TCF7: variants seen among roughly 807,000 people sequenced by gnomAD.
The protein encoded by TCF7 is transcription factor 7, also known as T-cell-factor-7.
In TCF7, 19 loss-of-function variants were observed where a neutral mutation model predicts 46.8. That is an observed-to-expected ratio of 0.41 (90% CI 0.28 to 0.60). The LOEUF is 0.60. Among genes scored for constraint, TCF7 ranks in the 20% least tolerant of loss-of-function variants. The probability of loss-of-function intolerance (pLI) is 0.35; values close to 1 mark genes in which losing one functional copy is unlikely to be tolerated. For synonymous variants in TCF7, 245 were observed against 213.4 expected, an observed-to-expected ratio of 1.15 and a Z score of -1.29; for missense variants, 547 against 504.6, an observed-to-expected ratio of 1.08 and a Z score of -0.81.
intron 5 of TCF7, among the ~76,000 whole-genome samples, chr5:134,140,193 G>T (rs1367818583): frequency 6.6e-6 from 1 of 152,218 alleles, no homozygotes; most frequent in African/African-American, 2.4e-5. Flanking sequence ...GCCCTATTGT[G>T]TGCCGGGCAG....
Position 134,147,882 on chromosome 5 carries a change from G to C in TCF7, c.*1579G>C, listed in dbSNP as rs543088125. ...TCCCAGCTACTCGGGAGGCTGAGGC[G>C]GAAGAATCACTTGAACCCGGGAGGC... On this transcript the variant is annotated 3_prime_UTR_variant, in exon 10 of 10. Transcript: ENST00000342854. 5 of 149,950 alleles carry C rather than the reference G, an allele frequency of 3.3e-5. No individual in the cohort carries two copies. Among genetic ancestry groups the C allele is most frequent in the Non-Finnish European group, 7.4e-5 (5 of 67,798 alleles). The allele number at this position is 149,950 out of a possible 1,614,324, so 9.3% of individuals were successfully genotyped here. A position where few individuals can be genotyped will look rare whatever the true frequency, so the allele number is the denominator to read the frequency against.
chr5:134,144,751 G>A (rs1230797363), intron 9 of TCF7: 1 of 1,496,020 alleles, frequency 6.7e-7, no homozygotes. Context: ...CCCGCTGCCT[G>A]CTCGCCCTCT....
intron 3 of TCF7, among the ~76,000 whole-genome samples, chr5:134,120,834 C>G (rs1459368169): frequency 1.3e-5 from 2 of 152,264 alleles, no homozygotes; most frequent in Non-Finnish European, 1.5e-5. Flanking sequence ...GTTTCCTCCT[C>G]TGCACAATGG....
intron 3 of TCF7, among the ~76,000 whole-genome samples, chr5:134,119,954 C>A (rs1036659722): frequency 6.6e-6 from 1 of 152,174 alleles, no homozygotes; most frequent in Non-Finnish European, 1.5e-5. Flanking sequence ...AGGTACTGGG[C>A]CCCCAGACTG....
chr5:134,138,255 A>G (rs1759206875), intron 4 of TCF7, 91 bp downstream of exon 4: 4 of 1,168,696 alleles, frequency 3.4e-6, no homozygotes, highest in African/African-American at 1.5e-5. Context: ...GGTCCATTTT[A>G]TAACTGGAGA....
intron 9 of TCF7, 87 bp from the exon 10 acceptor site, chr5:134,146,137 G>GC (rs987930555): frequency 3.7e-6 from 6 of 1,613,104 alleles, no homozygotes; most frequent in Non-Finnish European, 5.1e-6. Flanking sequence ...AATCAGCCAG[G>GC]CCTGTGCAAA....
intron 3 of TCF7, among the ~76,000 whole-genome samples, chr5:134,136,566 T>C (rs1758890382): frequency 6.6e-6 from 1 of 152,108 alleles, no homozygotes; most frequent in South Asian, 2.1e-4. Context: ...TGTGGGAGCC[T>C]GTGCCCAGCT....
At chr5:134,145,040 G>T (rs1383732310) in intron 9 of TCF7, 3 of 658,632 alleles carry the variant, frequency 4.6e-6, no homozygotes, top group Admixed American at 2.3e-5. Context: ...AACACAGCGC[G>T]TGGAGAAGAC....
chr5:134,121,740 T>C (rs1323936838), intron 3 of TCF7, among the ~76,000 whole-genome samples: 2 of 152,220 alleles, frequency 1.3e-5, no homozygotes, highest in Non-Finnish European at 2.9e-5. Context: ...GCTCCCGGGC[T>C]GCCTTCTTTC....
intron 2 of TCF7, 158 bp from the exon 3 acceptor site, chr5:134,115,751 C>A: frequency 6.9e-7 from 1 of 1,459,700 alleles, no homozygotes; most frequent in Non-Finnish European, 9.0e-7. Flanking sequence ...AGGTCCTTCC[C>A]CTAAAACTTG....
upstream of TCF7, among the ~76,000 whole-genome samples, chr5:134,113,317 AG>A (rs1179409875): frequency 6.6e-6 from 1 of 151,856 alleles, no homozygotes; most frequent in Non-Finnish European, 1.5e-5. Context: ...GTGGCGGGGG[AG>A]GGGGGTGTGG....
intron 2 of TCF7, chr5:134,115,654 C>T (rs1421204202): frequency 1.4e-6 from 2 of 1,432,692 alleles, no homozygotes; most frequent in East Asian, 2.5e-5. Context: ...CCGCCGCCTT[C>T]AGGAGACAGA....
At position 134,147,357 on chromosome 5, in the gene TCF7, C is replaced by CA. The variant is rs1760829384; in HGVS notation, c.*1055dup. 6.6e-6 allele frequency: 1 copy of CA among 152,408 alleles called. No individual in the cohort carries two copies. The highest frequency in any genetic ancestry group is 6.5e-5 in the Admixed American group (1 of 15,286). The allele number at this position is 152,408 out of a possible 1,614,324, so 9.4% of individuals were successfully genotyped here. ...TCCAGTGTGCACCCCTCCCCATTCACAGAGCCTTTTTCACAATTCCATTTC... is the reference window on the plus strand; with the variant it reads ...TCCAGTGTGCACCCCTCCCCATTCACAAGAGCCTTTTTCACAATTCCATTTC... On this transcript the variant is annotated 3_prime_UTR_variant, in exon 10 of 10. Coordinates refer to ENST00000342854, the MANE Select transcript of TCF7 (RefSeq NM_003202.5).
chr5:134,129,205 GC>G (rs1231742566), intron 3 of TCF7, among the ~76,000 whole-genome samples: 1 of 152,236 alleles, frequency 6.6e-6, no homozygotes, highest in African/African-American at 2.4e-5. Flanking sequence ...TGGGATTCCG[GC>G]AGGGGTGGAG....
chr5:134,146,561 CT>C lies in TCF7; in HGVS notation c.*259del. On this transcript the variant is annotated 3_prime_UTR_variant, in exon 10 of 10. Transcript: ENST00000342854. ...CTGGCCGCCTCCAGGAGCCTACCCC[CT>C]GAAAGTGACAGAGACCCAGATCTCA... 2.8e-6 allele frequency: 2 copies of C among 709,200 alleles called. No individual in the cohort carries two copies. The highest frequency in any genetic ancestry group is 5.2e-6 in the Non-Finnish European group (2 of 383,246). The allele number at this position is 709,200 out of a possible 1,614,324, so 43.9% of individuals were successfully genotyped here.
In TCF7 at chr5:134,126,555, A is replaced by G. The variant is rs545108029; in HGVS notation, c.441+10522A>G. 2.0e-5 allele frequency among the ~76,000 whole-genome samples: 3 copies of G among 152,376 alleles called. No homozygotes were observed. The South Asian group carries it at 6.2e-4, about 32-fold the overall frequency. On this transcript the variant is annotated intron_variant, in intron 3 of 9. Coordinates refer to ENST00000342854, the MANE Select transcript of TCF7 (RefSeq NM_003202.5). ...AACAACTACAGTAGTTCATGTGTCA[A>G]GCACTTCCCAAGTGCCAGGCCTATG... is the stretch of plus-strand genomic sequence containing the variant.
intron 9 of TCF7, chr5:134,144,878 GT>G: frequency 6.2e-7 from 1 of 1,612,720 alleles, no homozygotes; most frequent in Non-Finnish European, 8.5e-7. Flanking sequence ...AGGTGGGTTT[GT>G]CCCCACCATC....
At chr5:134,125,471 C>T (rs1757221737) in intron 3 of TCF7, among the ~76,000 whole-genome samples, 1 of 152,216 alleles carries the variant, frequency 6.6e-6, no homozygotes, top group Non-Finnish European at 1.5e-5. Flanking sequence ...GCAGCCACTG[C>T]CTGGAGCCAA....
upstream of TCF7, among the ~76,000 whole-genome samples, chr5:134,113,862 G>T (rs369084122): frequency 6.6e-6 from 1 of 152,256 alleles, no homozygotes; most frequent in Admixed American, 6.5e-5. Context: ...GACTTCTAGG[G>T]TTGAGTTGCT....
Sources: allele counts gnomAD v4.1 joint callset (sites outside exome capture counted in the v4.1 genomes callset), GRCh38; gene constraint gnomAD v4.1.1; transcripts MANE v1.5; gene names NCBI Gene and HGNC (gene_info 2026-07-23, HGNC 2026-07-21).